Variants in BABAM2 observed in about 807,000 individuals in gnomAD.
The protein encoded by BABAM2 is BRISC and BRCA1 A complex member 2.
Under a neutral mutation model 54.7 loss-of-function variants are expected in BABAM2, and 31 were observed. The observed-to-expected ratio is 0.57, with a 90% CI of 0.43 to 0.77. BABAM2 has a LOEUF of 0.77. Ranked by LOEUF, BABAM2 falls within the 30% of genes least tolerant of loss-of-function variation. The pLI, the probability that BABAM2 is intolerant of heterozygous loss-of-function variation, is 0.00. For missense variants in BABAM2, 364 were observed against 455.8 expected (o/e 0.80, Z 1.83); for synonymous variants, 167 against 162.9 (o/e 1.03, Z -0.19).
chr2:27,897,886 C>G (rs1665468388), intron 2 of BABAM2, among the ~76,000 whole-genome samples: 1 of 152,156 alleles, frequency 6.6e-6, no homozygotes, highest in African/African-American at 2.4e-5. Flanking sequence ...TTGAAGTCAT[C>G]AAGATCAGAT....
At position 27,894,616 on chromosome 2, in the gene BABAM2, C is replaced by A. The variant is rs748647040; in HGVS notation, c.60C>A (p.Ser20Arg). Residue 20 changes from serine (S) to arginine (R), a missense_variant, in exon 2 of 12, where the codon AGC becomes AGA. By Grantham distance (110) the Ser-to-Arg change is moderately radical. Transcript: ENST00000379624. Reference protein sequence around the residue: ...ISPMLSPFISSVVRNGKVGLD... With the variant: ...ISPMLSPFISRVVRNGKVGLD... Reference sequence around the variant, plus strand: ...CAATGCTCTCCCCTTTCATATCTAGCGTGGTCCGGAATGGAAAAGTGGGAC... The same window carrying A: ...CAATGCTCTCCCCTTTCATATCTAGAGTGGTCCGGAATGGAAAAGTGGGAC... 22 of 1,613,800 alleles carry A rather than the reference C, an allele frequency of 1.4e-5. No individual in the cohort carries two copies. Among genetic ancestry groups the A allele is most frequent in the Non-Finnish European group, 1.9e-5 (22 of 1,179,816 alleles).
intron 3 of BABAM2, among the ~76,000 whole-genome samples, chr2:27,960,935 T>C (rs1670422060): frequency 6.6e-6 from 1 of 152,238 alleles, no homozygotes; most frequent in African/African-American, 2.4e-5. Flanking sequence ...ATGGCTTTGC[T>C]GAATAGGAAG....
At chr2:27,985,351 A>G (rs1172591417) in intron 3 of BABAM2, among the ~76,000 whole-genome samples, 5 of 152,070 alleles carry the variant, frequency 3.3e-5, no homozygotes, top group Non-Finnish European at 7.4e-5. Flanking sequence ...CAGCAGTGTA[A>G]AAGTGTCCCC....
chr2:27,947,648 G>T (rs1669398938), intron 3 of BABAM2, among the ~76,000 whole-genome samples: 1 of 151,992 alleles, frequency 6.6e-6, no homozygotes, highest in South Asian at 2.1e-4. Flanking sequence ...CCTGACTGTG[G>T]CTTGTCTTTT....
intron 4 of BABAM2, among the ~76,000 whole-genome samples, chr2:28,020,945 T>C (rs1675198318): frequency 9.2e-6 from 1 of 108,802 alleles, no homozygotes; most frequent in African/African-American, 3.5e-5. Flanking sequence ...AGACTCTCTG[T>C]CTCTCTGACA....
chr2:28,026,876 A>ATATATATAAATATATATT (rs1558667360), intron 5 of BABAM2, among the ~76,000 whole-genome samples: 1 of 56,174 alleles, frequency 1.8e-5, no homozygotes, highest in Non-Finnish European at 3.1e-5. Context: ...ATATATATTT[A>ATATATATAAATATATATT]TATATATATA....
chr2:27,908,480 C>T (rs1396601475), intron 2 of BABAM2, among the ~76,000 whole-genome samples: 3 of 152,048 alleles, frequency 2.0e-5, no homozygotes, highest in Non-Finnish European at 2.9e-5. Flanking sequence ...GCCATGTTGC[C>T]CAGGCTGGTC....
intron 10 of BABAM2, among the ~76,000 whole-genome samples, chr2:28,290,649 T>C (rs1687212356): frequency 6.6e-6 from 1 of 152,240 alleles, no homozygotes; most frequent in East Asian, 1.9e-4. Context: ...ACTTCATGGT[T>C]CTCTGCAGTG....
chr2:27,906,230 G>A (rs1011725267), intron 2 of BABAM2, among the ~76,000 whole-genome samples: 4 of 152,040 alleles, frequency 2.6e-5, no homozygotes, highest in Admixed American at 1.3e-4. Context: ...AACAGTGCAT[G>A]GTGTTGATAT....
At chr2:28,020,952 G>C (rs199750569) in intron 4 of BABAM2, among the ~76,000 whole-genome samples, 22 of 144,406 alleles carry the variant, frequency 1.5e-4, no homozygotes, top group East Asian at 2.1e-4. Context: ...CTGTCTCTCT[G>C]ACACACACAC....
chr2:28,098,493 A>G (rs1473748757), intron 6 of BABAM2, among the ~76,000 whole-genome samples: 2 of 152,232 alleles, frequency 1.3e-5, no homozygotes, highest in Non-Finnish European at 2.9e-5. Context: ...TAGAGCTATG[A>G]CATATATCAA....
chr2:28,206,321 T>C (rs531421264), intron 7 of BABAM2, among the ~76,000 whole-genome samples: 127 of 152,124 alleles, frequency 8.3e-4, no homozygotes, highest in Non-Finnish European at 1.6e-3. Context: ...CCTGAGGAAT[T>C]TGTGTGTAAT....
intron 10 of BABAM2, among the ~76,000 whole-genome samples, chr2:28,279,959 C>T (rs148272862): frequency 9.0e-4 from 136 of 151,672 alleles, no homozygotes; most frequent in African/African-American, 2.9e-3. Context: ...TGAGCCACCA[C>T]GCCCGGCAGA....
chr2:28,124,337 T>G (rs1669318041), intron 6 of BABAM2, among the ~76,000 whole-genome samples: 1 of 152,218 alleles, frequency 6.6e-6, no homozygotes, highest in Admixed American at 6.5e-5. Flanking sequence ...TTCTGTTCGT[T>G]GCAGACCCTG....
chr2:28,150,121 A>G (rs554942188), intron 7 of BABAM2, among the ~76,000 whole-genome samples: 5 of 152,354 alleles, frequency 3.3e-5, no homozygotes, highest in Admixed American at 6.5e-5. Context: ...GGTGCTTTGC[A>G]TATAGAATCT....
At chr2:28,242,182 C>G (rs568758306) in intron 9 of BABAM2, among the ~76,000 whole-genome samples, 1 of 152,174 alleles carries the variant, frequency 6.6e-6, no homozygotes, top group Non-Finnish European at 1.5e-5. Flanking sequence ...GCACTCAGGT[C>G]TCCTGCTAGG....
intron 3 of BABAM2, among the ~76,000 whole-genome samples, chr2:27,974,302 G>A (rs565398127): frequency 9.1e-4 from 138 of 151,912 alleles, no homozygotes; most frequent in African/African-American, 2.8e-3. Context: ...TAAAACTTTC[G>A]AAAAAAATTA....
intron 3 of BABAM2, among the ~76,000 whole-genome samples, chr2:27,931,564 C>T (rs1668097405): frequency 6.6e-6 from 1 of 152,044 alleles, no homozygotes; most frequent in African/African-American, 2.4e-5. Context: ...AGTTATATCA[C>T]CATTATTGGT....
chr2:28,221,599 A>G (rs1680427207), intron 7 of BABAM2, among the ~76,000 whole-genome samples: 1 of 152,008 alleles, frequency 6.6e-6, no homozygotes, highest in Non-Finnish European at 1.5e-5. Flanking sequence ...GGCCCTCAGA[A>G]CCTGAAGGCT....
Sources: allele counts gnomAD v4.1 joint callset (sites outside exome capture counted in the v4.1 genomes callset), GRCh38; gene constraint gnomAD v4.1.1; transcripts MANE v1.5; gene names NCBI Gene and HGNC (gene_info 2026-07-23, HGNC 2026-07-21).